ZFP69B: variants seen among roughly 807,000 people sequenced by gnomAD.
The protein encoded by ZFP69B is zinc finger protein 69 homolog B.
ZFP69B carries 20 observed loss-of-function variants against 19.7 expected under a neutral mutation model. The observed-to-expected ratio is 1.02, with a 90% CI of 0.71 to 1.48. ZFP69B has a LOEUF of 1.48. Among genes scored for constraint, ZFP69B ranks in the 40% most tolerant of loss-of-function variants. The probability of loss-of-function intolerance (pLI) is 0.00; values close to 1 mark genes in which losing one functional copy is unlikely to be tolerated. For missense variants in ZFP69B, 583 were observed against 632.6 expected, an observed-to-expected ratio of 0.92 and a Z score of 0.84; for synonymous variants, 220 against 222.7, an observed-to-expected ratio of 0.99 and a Z score of 0.11.
At position 40,451,036 on chromosome 1, in the gene ZFP69B, C is replaced by T. The variant is rs1645181346; in HGVS notation, c.75C>T (p.Ala25=). The T allele has an allele frequency of 1.3e-6, 2 of 1,549,716 alleles. No homozygotes were observed. The highest frequency in any genetic ancestry group is 2.7e-5 in the African/African-American group (2 of 72,912). The change falls in exon 1 of 5, where the codon GCC becomes GCT. Residue 25 remains alanine (A), a synonymous_variant. Transcript: ENST00000361584. ...TWVKLRHPKA[A]TERVALWEDV... The stretch of plus-strand genomic sequence containing the variant: ...TGAAGTTGCGTCATCCAAAGGCGGC[C>T]ACGGAGCGGGTGGCCCTGTGGGAGG...
intron 4 of ZFP69B, among the ~76,000 whole-genome samples, chr1:40,458,909 G>A (rs1357640916): frequency 2.6e-5 from 4 of 152,106 alleles, no homozygotes; most frequent in African/African-American, 7.2e-5. Context: ...TATCCACTAG[G>A]GTTTCCTCAT....
chr1:40,462,852 C>G lies in ZFP69B; in HGVS notation c.868C>G (p.Gln290Glu). ...ECNICEKIFK[Q>E]LIHLTEHMRI... ...TAATATTTGTGAAAAAATCTTCAAA[C>G]AGCTTATTCACCTTACTGAACACAT... is the stretch of plus-strand genomic sequence containing the variant. The change falls in exon 5 of 5, where the codon CAG becomes GAG. Residue 290 changes from glutamine to glutamate, a missense_variant. Gln to Glu is a conservative substitution (Grantham distance 29). Coordinates refer to ENST00000361584, the MANE Select transcript of ZFP69B (RefSeq NM_023070.3). The G allele has an allele frequency of 6.2e-7, 1 of 1,614,008 alleles. No homozygotes were observed. Among genetic ancestry groups the G allele is most frequent in the Non-Finnish European group, 8.5e-7 (1 of 1,179,986 alleles).
chr1:40,457,218 T>C (rs781460236), intron 3 of ZFP69B, 126 bp from the exon 4 acceptor site: 16 of 1,473,490 alleles, frequency 1.1e-5, no homozygotes, highest in African/African-American at 1.4e-5. Context: ...CTATGCTCTT[T>C]TCTGCTCTGT....
At chr1:40,460,185 T>C (rs746213916) in intron 4 of ZFP69B, among the ~76,000 whole-genome samples, 3 of 152,138 alleles carry the variant, frequency 2.0e-5, no homozygotes, top group African/African-American at 4.8e-5. Flanking sequence ...GTAAAGCCAA[T>C]GAAATACTGA....
At chr1:40,460,809 C>T (rs1557513496) in intron 4 of ZFP69B, among the ~76,000 whole-genome samples, 2 of 151,990 alleles carry the variant, frequency 1.3e-5, no homozygotes, top group African/African-American at 2.4e-5. Flanking sequence ...GGTGAAATCC[C>T]ATCTTTACTA....
At chr1:40,458,051 G>A (rs571547781) in intron 4 of ZFP69B, among the ~76,000 whole-genome samples, 1 of 152,262 alleles carries the variant, frequency 6.6e-6, no homozygotes, top group East Asian at 1.9e-4. Context: ...ATTTACCTGG[G>A]TTCTCTGTGA....
Position 40,463,522 on chromosome 1 carries a change from G to C in ZFP69B, c.1538G>C (p.Ser513Thr). Residue 513 changes from serine to threonine, a missense_variant, in exon 5 of 5, where the codon AGC becomes ACC. By Grantham distance (58) the Ser-to-Thr change is moderately conservative. Coordinates refer to ENST00000361584, the MANE Select transcript of ZFP69B (RefSeq NM_023070.3). The stretch of plus-strand genomic sequence containing the variant: ...TGTAATGAGTGTGGAAAAGCCTTCA[G>C]CTGTAGTTCATCCCTTATTAGACAC... ...YDCNECGKAF[S>T]CSSSLIRHCK... 2 of 1,614,154 alleles carry C rather than the reference G, an allele frequency of 1.2e-6. No individual in the cohort carries two copies. The highest frequency in any genetic ancestry group is 1.7e-6 in the Non-Finnish European group (2 of 1,180,014).
chr1:40,457,720 T>C (rs1029377128), intron 4 of ZFP69B, among the ~76,000 whole-genome samples: 1 of 152,228 alleles, frequency 6.6e-6, no homozygotes, highest in African/African-American at 2.4e-5. Flanking sequence ...TAAACCTTGC[T>C]CTGATCATAG....
intron 4 of ZFP69B, among the ~76,000 whole-genome samples, chr1:40,458,095 G>A (rs1371662069): frequency 1.3e-5 from 2 of 152,160 alleles, no homozygotes; most frequent in Admixed American, 1.3e-4. Context: ...TCCCACATTA[G>A]CTCTGTCTTA....
chr1:40,463,489 C>T lies in ZFP69B; in HGVS notation c.1505C>T (p.Pro502Leu), dbSNP rs778998974. The change falls in exon 5 of 5, where the codon CCT (proline) becomes CTT (leucine). Residue 502 changes from proline (P) to leucine (L), a missense_variant. Physicochemically the swap from Pro to Leu is moderately conservative, Grantham distance 98 (BLOSUM62 -3). Coordinates refer to ENST00000361584, the MANE Select transcript of ZFP69B (RefSeq NM_023070.3). ...KHQRIHTGEK[P>L]YDCNECGKAF... ...CAGAGAATTCATACTGGAGAAAAAC[C>T]TTATGATTGTAATGAGTGTGGAAAA... 1.2e-6 allele frequency: 2 copies of T among 1,614,112 alleles called. No individual in the cohort carries two copies. The highest frequency in any genetic ancestry group is 1.7e-6 in the Non-Finnish European group (2 of 1,179,996).
At chr1:40,457,477 C>T in intron 4 of ZFP69B, 38 bp downstream of exon 4, 1 of 1,569,028 alleles carries the variant, frequency 6.4e-7, no homozygotes, top group Non-Finnish European at 8.8e-7. Context: ...TGATGTTAGC[C>T]AGAGAATTCC....
chr1:40,461,823 A>G (rs775578143), intron 4 of ZFP69B, among the ~76,000 whole-genome samples: 1 of 152,114 alleles, frequency 6.6e-6, no homozygotes, highest in Non-Finnish European at 1.5e-5. Context: ...CCTTGATATT[A>G]TCTTCTGATA....
chr1:40,453,639 C>T (rs1645206272), intron 1 of ZFP69B, among the ~76,000 whole-genome samples: 2 of 152,080 alleles, frequency 1.3e-5, no homozygotes, highest in South Asian at 4.1e-4. Context: ...TAGGTGTGTC[C>T]AGTGGATGAA....
intron 4 of ZFP69B, among the ~76,000 whole-genome samples, chr1:40,457,965 AC>A (rs1645249397): frequency 6.6e-6 from 1 of 152,238 alleles, no homozygotes; most frequent in African/African-American, 2.4e-5. Context: ...GAAATCAACC[AC>A]AGAATTCGTT....
At chr1:40,453,106 G>A (rs993644333) in intron 1 of ZFP69B, among the ~76,000 whole-genome samples, 13 of 151,056 alleles carry the variant, frequency 8.6e-5, no homozygotes, top group Non-Finnish European at 1.0e-4. Context: ...GATTACAGGC[G>A]CCTGCCACCA....
chr1:40,462,760 G>A lies in ZFP69B; in HGVS notation c.776G>A (p.Arg259Lys). Reference protein sequence around the residue: ...RDRKYDTPGKRSRYNIDLVNH... With the variant: ...RDRKYDTPGKKSRYNIDLVNH... Reference sequence around the variant, plus strand: ...CGTAAATATGACACACCTGGAAAGAGAAGCAGATACAACATAGATTTAGTT... The same window carrying A: ...CGTAAATATGACACACCTGGAAAGAAAAGCAGATACAACATAGATTTAGTT... Residue 259 changes from arginine (R) to lysine (K), a missense_variant, in exon 5 of 5, where the codon AGA (arginine) becomes AAA (lysine). Coordinates refer to ENST00000361584, the MANE Select transcript of ZFP69B (RefSeq NM_023070.3). 1.9e-6 allele frequency: 3 copies of A among 1,614,076 alleles called. No homozygotes were observed. Among genetic ancestry groups the A allele is most frequent in the Non-Finnish European group, 2.5e-6 (3 of 1,179,992 alleles).
intron 4 of ZFP69B, among the ~76,000 whole-genome samples, chr1:40,461,909 C>A (rs924104871): frequency 1.3e-5 from 2 of 152,082 alleles, no homozygotes; most frequent in African/African-American, 4.8e-5. Flanking sequence ...TCTTAAAAAT[C>A]ATTTTACTTA....
Position 40,450,786 on chromosome 1 carries a change from T to TA in ZFP69B, c.-175dup, listed in dbSNP as rs1645178037. ...CACAAGTCCAGATCTCGGATTTTGATACTGTATGTTCCCTGGGTTCCTGAG... is the reference window on the plus strand; with the variant it reads ...CACAAGTCCAGATCTCGGATTTTGATAACTGTATGTTCCCTGGGTTCCTGAG... On this transcript the variant is annotated 5_prime_UTR_variant, in exon 1 of 5. It introduces an in-frame stop codon into an upstream open reading frame of the 5' UTR. Coordinates refer to ENST00000361584, the MANE Select transcript of ZFP69B (RefSeq NM_023070.3). 2 of 565,182 alleles carry TA rather than the reference T, an allele frequency of 3.5e-6. No homozygotes were observed. The highest frequency in any genetic ancestry group is 5.3e-6 in the Non-Finnish European group (2 of 379,816). The allele number at this position is 565,182 out of a possible 1,614,324, so 35.0% of individuals were successfully genotyped here. A position where few individuals can be genotyped will look rare whatever the true frequency, so the allele number is the denominator to read the frequency against.
At chr1:40,452,018 G>A (rs564935155) in intron 1 of ZFP69B, among the ~76,000 whole-genome samples, 9 of 152,274 alleles carry the variant, frequency 5.9e-5, no homozygotes, top group Admixed American at 4.6e-4. Flanking sequence ...CCAGCTACTC[G>A]GGAGGTTGAG....
Sources: gnomAD v4.1 joint callset for allele counts (sites outside exome capture counted in the v4.1 genomes callset) on GRCh38, gnomAD v4.1.1 for gene constraint, MANE v1.5 for transcripts, NCBI Gene and HGNC (gene_info 2026-07-23, HGNC 2026-07-21) for gene names.